Variants in ZNF831 observed in about 807,000 individuals in gnomAD.
ZNF831 encodes chromosome 20 open reading frame 174.
Under a neutral mutation model 95.8 loss-of-function variants are expected in ZNF831, and 59 were observed. That is an observed-to-expected ratio of 0.62 (90% confidence interval 0.50 to 0.77). ZNF831 has a LOEUF of 0.77. Among genes scored for constraint, ZNF831 ranks in the 30% least tolerant of loss-of-function variants. The pLI, the probability that ZNF831 is intolerant of heterozygous loss-of-function variation, is 0.00. For synonymous variants in ZNF831, 961 were observed against 925.5 expected, an observed-to-expected ratio of 1.04 and a Z score of -0.70; for missense variants, 2,205 against 2,164.0, an observed-to-expected ratio of 1.02 and a Z score of -0.38.
At chr20:59,184,772 A>G (rs1362371689) in intron 1 of ZNF831, among the ~76,000 whole-genome samples, 2 of 152,096 alleles carry the variant, frequency 1.3e-5, no homozygotes, top group Non-Finnish European at 2.9e-5. Flanking sequence ...TACTTATGGC[A>G]TTTTCATGTT....
At chr20:59,229,094 A>G (rs1317055011) in intron 4 of ZNF831, among the ~76,000 whole-genome samples, 1 of 152,178 alleles carries the variant, frequency 6.6e-6, no homozygotes, top group Non-Finnish European at 1.5e-5. Context: ...CACTTAACAT[A>G]ATGACCTCCA....
At chr20:59,129,812 A>G (rs983111157) in intron 1 of ZNF831, among the ~76,000 whole-genome samples, 1 of 152,020 alleles carries the variant, frequency 6.6e-6, no homozygotes, top group Non-Finnish European at 1.5e-5. Context: ...GGCCTTTTTC[A>G]TTTCACTCAG....
At chr20:59,252,878 G>A (rs1457568170) in intron 4 of ZNF831, 100 bp from the exon 5 acceptor site, 5 of 1,310,406 alleles carry the variant, frequency 3.8e-6, no homozygotes, top group Admixed American at 4.6e-5. Flanking sequence ...GGGTTAATGA[G>A]CTCAGAGGCG....
At chr20:59,247,244 AGGTTG>A (rs1346340322) in intron 4 of ZNF831, among the ~76,000 whole-genome samples, 1 of 152,190 alleles carries the variant, frequency 6.6e-6, no homozygotes, top group Non-Finnish European at 1.5e-5. Flanking sequence ...CCATAGATAC[AGGTTG>A]GGTTGGGGTC....
At chr20:59,211,400 C>G (rs1208467300) in intron 4 of ZNF831, among the ~76,000 whole-genome samples, 1 of 152,236 alleles carries the variant, frequency 6.6e-6, no homozygotes, top group Admixed American at 6.5e-5. Context: ...CAGAGAATAT[C>G]AATCACTGCC....
chr20:59,177,951 G>A (rs188047867), intron 1 of ZNF831, among the ~76,000 whole-genome samples: 3 of 152,298 alleles, frequency 2.0e-5, no homozygotes, highest in East Asian at 3.9e-4. Flanking sequence ...CTGTTTTTCC[G>A]ATCTGCTCAC....
chr20:59,190,806 A>T (rs1246939446), intron 1 of ZNF831, among the ~76,000 whole-genome samples, 178 bp from the exon 2 acceptor site: 1 of 152,168 alleles, frequency 6.6e-6, no homozygotes, highest in Non-Finnish European at 1.5e-5. Flanking sequence ...TCGCTGTCTG[A>T]GCCTCAGCTT....
chr20:59,192,434 C>G lies in ZNF831; in HGVS notation c.1415C>G (p.Ser472Cys), dbSNP rs373506374. The G allele has an allele frequency of 5.0e-6, 8 of 1,607,986 alleles. No homozygotes were observed. Among genetic ancestry groups the G allele is most frequent in the Non-Finnish European group, 6.8e-6 (8 of 1,177,644 alleles). The change falls in exon 2 of 6, where the codon TCC becomes TGC. Residue 472 changes from serine (S) to cysteine (C), a missense_variant. By Grantham distance (112) the Ser-to-Cys change is moderately radical. Transcript: ENST00000371030. This position sits in a 1 kb window ranked among gnomAD's most constrained non-coding sequence, Gnocchi z 5.2. ...AGGAGGGCCCCGGGCCCCGTGCGCT[C>G]CACCTGGACGCCCCCAGACAAGTCT... ...GRRRAPGPVR[S>C]TWTPPDKSRP...
intron 1 of ZNF831, among the ~76,000 whole-genome samples, chr20:59,168,761 G>A (rs377738823): frequency 5.9e-5 from 9 of 151,956 alleles, no homozygotes; most frequent in South Asian, 2.1e-4. Context: ...AGAGATTTCC[G>A]TCTATTTCTA....
intron 3 of ZNF831, among the ~76,000 whole-genome samples, chr20:59,201,286 T>A (rs1257419732): frequency 6.6e-6 from 1 of 152,238 alleles, no homozygotes; most frequent in Non-Finnish European, 1.5e-5. Context: ...ATATCTTCTC[T>A]GGCGAAGTGT....
At chr20:59,235,746 G>T (rs536753755) in intron 4 of ZNF831, among the ~76,000 whole-genome samples, 1 of 152,162 alleles carries the variant, frequency 6.6e-6, no homozygotes, top group East Asian at 1.9e-4. Flanking sequence ...TTTATTATTT[G>T]CCCTGTACTA....
intron 1 of ZNF831, among the ~76,000 whole-genome samples, chr20:59,172,299 C>T (rs1203565241): frequency 2.0e-5 from 3 of 152,212 alleles, no homozygotes; most frequent in Admixed American, 6.5e-5. Context: ...TCCCGTGGCA[C>T]GCTCACCTTC....
intron 4 of ZNF831, among the ~76,000 whole-genome samples, chr20:59,225,601 C>T (rs1986373502): frequency 6.6e-6 from 1 of 152,202 alleles, no homozygotes; most frequent in Non-Finnish European, 1.5e-5. Context: ...TATGCAGACA[C>T]ATTAGATGGT....
Position 59,258,309 on chromosome 20 carries a change from C to A in ZNF831, c.*3566C>A, listed in dbSNP as rs552166414. On this transcript the variant is annotated 3_prime_UTR_variant, in exon 6 of 6. Coordinates refer to ENST00000371030, the MANE Select transcript of ZNF831 (RefSeq NM_178457.3). The stretch of plus-strand genomic sequence containing the variant: ...CTAAAGCTGAGACCGGAAGAGGAAC[C>A]TTGCAGAAGTGCACTGTGACCACAG... 6.5e-6 allele frequency: 1 copy of A among 152,724 alleles called. No individual in the cohort carries two copies. Among genetic ancestry groups the A allele is most frequent in the South Asian group, 2.1e-4 (1 of 4,826 alleles). The allele number at this position is 152,724 out of a possible 1,614,324, so 9.5% of individuals were successfully genotyped here.
At chr20:59,244,537 C>T (rs1054810268) in intron 4 of ZNF831, among the ~76,000 whole-genome samples, 8 of 152,228 alleles carry the variant, frequency 5.3e-5, no homozygotes, top group Non-Finnish European at 5.9e-5. Flanking sequence ...CAACTGATAA[C>T]GCAATATCAT....
chr20:59,230,341 G>T (rs942856751), intron 4 of ZNF831, among the ~76,000 whole-genome samples: 1 of 152,038 alleles, frequency 6.6e-6, no homozygotes, highest in African/African-American at 2.4e-5. Context: ...GCATGGTGGC[G>T]GGTGCCTGTA....
intron 2 of ZNF831, among the ~76,000 whole-genome samples, chr20:59,150,397 C>T (rs1601300130): frequency 6.6e-6 from 1 of 152,100 alleles, no homozygotes; most frequent in Non-Finnish European, 1.5e-5. Context: ...ACAGGATGCC[C>T]AGTTAAAATG....
chr20:59,204,619 G>T (rs1190620386), intron 3 of ZNF831, among the ~76,000 whole-genome samples: 1 of 152,236 alleles, frequency 6.6e-6, no homozygotes, highest in Non-Finnish European at 1.5e-5. Flanking sequence ...AATGTGTGTG[G>T]AGTGGGCTGT....
At chr20:59,137,747 G>A (rs921182074) in intron 1 of ZNF831, among the ~76,000 whole-genome samples, 1 of 152,204 alleles carries the variant, frequency 6.6e-6, no homozygotes, top group Admixed American at 6.5e-5. Context: ...GCACTGGGTG[G>A]AGGGACCTGG....
Sources: gnomAD v4.1 joint callset for allele counts (sites outside exome capture counted in the v4.1 genomes callset) on GRCh38, gnomAD v4.1.1 for gene constraint, Gnocchi (gnomAD v3.1) non-coding constraint, MANE v1.5 for transcripts, NCBI Gene and HGNC (gene_info 2026-07-23, HGNC 2026-07-21) for gene names.